Variants in SMIM41 observed in about 807,000 individuals in gnomAD.
SMIM41 encodes small integral membrane protein 41.
intron 2 of SMIM41, among the ~76,000 whole-genome samples, chr12:52,097,715 T>C (rs185427052): frequency 1.3e-5 from 2 of 152,156 alleles, no homozygotes; most frequent in East Asian, 3.9e-4. Context: ...AGTCATATGA[T>C]ACTTGCCGTC....
At chr12:52,089,919 T>C (rs1319700976) in intron 2 of SMIM41, among the ~76,000 whole-genome samples, 1 of 152,214 alleles carries the variant, frequency 6.6e-6, no homozygotes, top group African/African-American at 2.4e-5. Context: ...TACTCAGGGT[T>C]AGAACTTTAG....
intron 2 of SMIM41, among the ~76,000 whole-genome samples, chr12:52,086,334 G>C (rs1033967093): frequency 5.9e-5 from 9 of 151,894 alleles, no homozygotes; most frequent in Non-Finnish European, 1.2e-4. Context: ...TCCAAGAAAA[G>C]CTCCACACAG....
chr12:52,080,893 G>C (rs930637521), intron 1 of SMIM41, among the ~76,000 whole-genome samples: 1 of 152,124 alleles, frequency 6.6e-6, no homozygotes, highest in Non-Finnish European at 1.5e-5. Context: ...GGTGAAGGGT[G>C]GGGGAGTAGA....
intron 2 of SMIM41, among the ~76,000 whole-genome samples, chr12:52,084,198 A>G (rs1224838619): frequency 1.3e-5 from 2 of 152,002 alleles, no homozygotes; most frequent in Non-Finnish European, 2.9e-5. Flanking sequence ...ACATGGTGAA[A>G]CCCCGTCTCT....
chr12:52,097,356 C>CG (rs1056459269), intron 2 of SMIM41, among the ~76,000 whole-genome samples: 12 of 152,008 alleles, frequency 7.9e-5, no homozygotes, highest in Non-Finnish European at 1.8e-4. Context: ...TCACCCCCCC[C>CG]CGGATATTAC....
chr12:52,091,739 T>G (rs1380691799), intron 2 of SMIM41, among the ~76,000 whole-genome samples: 1 of 152,214 alleles, frequency 6.6e-6, no homozygotes, highest in African/African-American at 2.4e-5. Context: ...GCTCCTTAAC[T>G]TTCTCAAACA....
chr12:52,093,060 C>T (rs1189728562), intron 2 of SMIM41, among the ~76,000 whole-genome samples: 1 of 151,910 alleles, frequency 6.6e-6, no homozygotes, highest in Non-Finnish European at 1.5e-5. Flanking sequence ...TGGTGTGGTG[C>T]GGTGGTGCAC....
intron 2 of SMIM41, among the ~76,000 whole-genome samples, chr12:52,101,910 T>A (rs1940224602): frequency 6.6e-6 from 1 of 152,102 alleles, no homozygotes. Flanking sequence ...CGGGGGTTTT[T>A]CCCTGTCGGT....
chr12:52,087,038 G>A (rs781625528), intron 2 of SMIM41, among the ~76,000 whole-genome samples: 4 of 152,162 alleles, frequency 2.6e-5, no homozygotes, highest in East Asian at 1.9e-4. Context: ...CCTGGCCCTC[G>A]CTGCAGCCAG....
intron 2 of SMIM41, among the ~76,000 whole-genome samples, chr12:52,100,134 C>A (rs542981945): frequency 1.3e-5 from 2 of 152,048 alleles, no homozygotes; most frequent in Admixed American, 1.3e-4. Context: ...ACATTTCCTA[C>A]GCTGTTGGGA....
intron 2 of SMIM41, among the ~76,000 whole-genome samples, chr12:52,105,772 A>C (rs1318040169): frequency 2.0e-5 from 3 of 152,126 alleles, no homozygotes; most frequent in African/African-American, 7.2e-5. Context: ...AAAAACAAAA[A>C]CAAAAAAAAA....
intron 2 of SMIM41, among the ~76,000 whole-genome samples, chr12:52,106,622 G>A (rs140572609): frequency 3.8e-3 from 584 of 152,296 alleles, no homozygotes; most frequent in Non-Finnish European, 5.8e-3. Context: ...GATTACAGGC[G>A]TGAGCCACCG....
At chr12:52,102,056 T>C (rs1940227396) in intron 2 of SMIM41, among the ~76,000 whole-genome samples, 1 of 152,198 alleles carries the variant, frequency 6.6e-6, no homozygotes, top group Non-Finnish European at 1.5e-5. Flanking sequence ...TTGTTTGTTT[T>C]TGAGCCCAGA....
intron 2 of SMIM41, among the ~76,000 whole-genome samples, chr12:52,095,126 T>G (rs1940068026): frequency 2.0e-5 from 3 of 152,070 alleles, no homozygotes; most frequent in Non-Finnish European, 4.4e-5. Flanking sequence ...AAATTTTTTT[T>G]TTGTAGAAAT....
intron 1 of SMIM41, among the ~76,000 whole-genome samples, chr12:52,080,959 G>A (rs1939810292): frequency 6.6e-6 from 1 of 152,044 alleles, no homozygotes; most frequent in Non-Finnish European, 1.5e-5. Flanking sequence ...TGGATGGCAG[G>A]GTTCCCCGCA....
At chr12:52,087,218 C>T (rs1307400283) in intron 2 of SMIM41, among the ~76,000 whole-genome samples, 1 of 152,218 alleles carries the variant, frequency 6.6e-6, no homozygotes, top group Non-Finnish European at 1.5e-5. Flanking sequence ...CGGTGCTGAG[C>T]CACCCCGCTT....
In SMIM41 at chr12:52,082,876, G is replaced by A. The variant is rs557399300; in HGVS notation, c.*121-1018G>A. Among the ~76,000 whole-genome samples, 8 of 152,256 alleles carry A rather than the reference G, an allele frequency of 5.3e-5. No homozygotes were observed. The South Asian group carries it at 1.5e-3, about 28-fold the overall frequency. ...TCTACAGATTCCTGAGCCCCACATC[G>A]TCTGCCAGCAAGAGAGCCTGCTCTC... is the stretch of plus-strand genomic sequence containing the variant. On this transcript the variant is annotated intron_variant, in intron 1 of 2. Coordinates refer to ENST00000546390, the MANE Select transcript of SMIM41 (RefSeq NM_001369216.1).
At chr12:52,089,305 T>C (rs1939943843) in intron 2 of SMIM41, among the ~76,000 whole-genome samples, 1 of 151,868 alleles carries the variant, frequency 6.6e-6, no homozygotes, top group Non-Finnish European at 1.5e-5. Flanking sequence ...CTCTGAAACC[T>C]GTAGGGGGGT....
intron 2 of SMIM41, among the ~76,000 whole-genome samples, chr12:52,089,494 T>G (rs1366369519): frequency 6.6e-6 from 1 of 152,086 alleles, no homozygotes; most frequent in African/African-American, 2.4e-5. Context: ...CTCTGGAGGC[T>G]GAGACAAGAG....
Sources: gnomAD v4.1 joint callset for allele counts (sites outside exome capture counted in the v4.1 genomes callset) on GRCh38, gnomAD v4.1.1 for gene constraint, MANE v1.5 for transcripts, NCBI Gene and HGNC (gene_info 2026-07-23, HGNC 2026-07-21) for gene names.